Variants in FRMD4A observed in about 807,000 individuals in gnomAD.
The protein encoded by FRMD4A is FERM domain-containing protein 4A.
Under a neutral mutation model 129.1 loss-of-function variants are expected in FRMD4A, and 29 were observed. The ratio of observed to expected loss-of-function variants is 0.22; its 90% CI spans 0.17 to 0.31. FRMD4A has a LOEUF of 0.31. FRMD4A is among the 10% of genes least tolerant of loss of function. The pLI, the probability that FRMD4A is intolerant of heterozygous loss-of-function variation, is 1.00. For missense variants in FRMD4A, 1,272 were observed against 1,375.8 expected (o/e 0.92, Z 1.19); for synonymous variants, 634 against 571.6 (o/e 1.11, Z -1.56).
intron 2 of FRMD4A, among the ~76,000 whole-genome samples, chr10:14,163,503 G>A (rs1219959082): frequency 6.6e-6 from 1 of 152,210 alleles, no homozygotes; most frequent in Non-Finnish European, 1.5e-5. Context: ...TTGTTTTCAG[G>A]AGAAACTGAA....
At chr10:13,938,849 A>G (rs557199223) in intron 2 of FRMD4A, among the ~76,000 whole-genome samples, 13 of 150,200 alleles carry the variant, frequency 8.7e-5, no homozygotes, top group African/African-American at 2.5e-4. Context: ...GTCCTCCCCA[A>G]CCTCCAACAG....
intron 12 of FRMD4A, chr10:13,707,856 T>A (rs2134908025): frequency 2.0e-6 from 2 of 985,240 alleles, no homozygotes. Context: ...GAAGGGGCCC[T>A]GGCGGTCATT....
chr10:13,785,638 A>G (rs957303946), intron 5 of FRMD4A, among the ~76,000 whole-genome samples: 1 of 151,938 alleles, frequency 6.6e-6, no homozygotes, highest in African/African-American at 2.4e-5. Flanking sequence ...ATTTTTTATT[A>G]CACTTTAAGT....
chr10:13,745,890 G>A (rs1003685748), intron 9 of FRMD4A, among the ~76,000 whole-genome samples: 1 of 152,164 alleles, frequency 6.6e-6, no homozygotes, highest in Non-Finnish European at 1.5e-5. Flanking sequence ...AGGAATTAGG[G>A]AGGTGGGTAA....
intron 3 of FRMD4A, among the ~76,000 whole-genome samples, chr10:13,837,677 A>T (rs2093897712): frequency 6.6e-6 from 1 of 152,234 alleles, no homozygotes; most frequent in Non-Finnish European, 1.5e-5. Flanking sequence ...AGGTACACTG[A>T]CTGACAGTGC....
At chr10:13,834,179 G>A (rs535704592) in intron 3 of FRMD4A, among the ~76,000 whole-genome samples, 1 of 152,180 alleles carries the variant, frequency 6.6e-6, no homozygotes, top group Non-Finnish European at 1.5e-5. Flanking sequence ...CAGGAGAATC[G>A]CTTGAACTTG....
chr10:14,152,790 T>C (rs1243143050), intron 2 of FRMD4A, among the ~76,000 whole-genome samples: 1 of 151,932 alleles, frequency 6.6e-6, no homozygotes, highest in Non-Finnish European at 1.5e-5. Flanking sequence ...CTGTGAGCTA[T>C]GATTGCACCA....
At chr10:14,114,763 C>G (rs1182855512) in intron 2 of FRMD4A, among the ~76,000 whole-genome samples, 1 of 152,208 alleles carries the variant, frequency 6.6e-6, no homozygotes, top group Admixed American at 6.5e-5. Flanking sequence ...ATCTGGGTGT[C>G]TAGGCTTAAG....
chr10:13,847,838 G>C (rs1311169935), intron 3 of FRMD4A, among the ~76,000 whole-genome samples: 1 of 152,226 alleles, frequency 6.6e-6, no homozygotes, highest in Non-Finnish European at 1.5e-5. Context: ...GATCTGCATA[G>C]CACAGCGGTA....
intron 2 of FRMD4A, among the ~76,000 whole-genome samples, chr10:14,206,842 A>AT (rs1406906024): frequency 4.8e-5 from 7 of 145,718 alleles, no homozygotes; most frequent in African/African-American, 1.7e-4. Flanking sequence ...GAAACAAAAT[A>AT]TTTTTTTAAT....
At chr10:13,757,397 A>G (rs1361103797) in intron 8 of FRMD4A, among the ~76,000 whole-genome samples, 1 of 152,256 alleles carries the variant, frequency 6.6e-6, no homozygotes, top group Non-Finnish European at 1.5e-5. Context: ...CTTTAGAAGT[A>G]TCGTACAAAT....
chr10:14,261,986 A>ACACACACACACACACC (rs1491315574), intron 2 of FRMD4A, among the ~76,000 whole-genome samples: 2 of 139,100 alleles, frequency 1.4e-5, no homozygotes, highest in Non-Finnish European at 3.1e-5. Flanking sequence ...ACACACACAC[A>ACACACACACACACACC]CCTCATTTTC....
intron 2 of FRMD4A, among the ~76,000 whole-genome samples, chr10:13,952,330 T>C (rs975460757): frequency 6.6e-6 from 1 of 151,858 alleles, no homozygotes; most frequent in Non-Finnish European, 1.5e-5. Context: ...AGACCCTATC[T>C]CTACAAAAAA....
At chr10:14,146,436 T>C (rs1344908391) in intron 2 of FRMD4A, among the ~76,000 whole-genome samples, 5 of 151,932 alleles carry the variant, frequency 3.3e-5, no homozygotes, top group South Asian at 4.1e-4. Context: ...CAACACAACA[T>C]GACTTAATGC....
intron 2 of FRMD4A, among the ~76,000 whole-genome samples, chr10:14,104,075 T>C (rs1837452124): frequency 6.6e-6 from 1 of 152,238 alleles, no homozygotes; most frequent in Admixed American, 6.5e-5. Context: ...CCATGTTTTA[T>C]GTGCTTCCCA....
intron 2 of FRMD4A, among the ~76,000 whole-genome samples, chr10:14,303,432 GTT>G (rs1383505275): frequency 6.6e-6 from 1 of 152,240 alleles, no homozygotes; most frequent in Non-Finnish European, 1.5e-5. Flanking sequence ...CACAGGCAGT[GTT>G]TGGGGAGAAG....
intron 2 of FRMD4A, among the ~76,000 whole-genome samples, chr10:14,070,761 G>C (rs1835281442): frequency 6.6e-6 from 1 of 152,202 alleles, no homozygotes; most frequent in South Asian, 2.1e-4. Context: ...GCTAGGCACT[G>C]GGATTATGAC....
chr10:13,924,423 C>G (rs1421094189), intron 2 of FRMD4A, among the ~76,000 whole-genome samples: 41 of 150,160 alleles, frequency 2.7e-4, no homozygotes, highest in African/African-American at 1.0e-3. Context: ...TTTTTTTTTC[C>G]CAGTCATCAG....
intron 2 of FRMD4A, among the ~76,000 whole-genome samples, chr10:14,205,918 C>T (rs1251571628): frequency 2.0e-5 from 3 of 151,940 alleles, no homozygotes; most frequent in African/African-American, 4.8e-5. Flanking sequence ...TTAAAGTAGC[C>T]TCTCAAGGTC....
Sources: allele counts gnomAD v4.1 joint callset (sites outside exome capture counted in the v4.1 genomes callset), GRCh38; gene constraint gnomAD v4.1.1; transcripts MANE v1.5; gene names NCBI Gene and HGNC (gene_info 2026-07-23, HGNC 2026-07-21).